BTG4: variants seen among roughly 807,000 people sequenced by gnomAD.
The protein encoded by BTG4 is protein BTG4.
BTG4 carries 10 observed loss-of-function variants against 19.3 expected under a neutral mutation model. The observed-to-expected ratio is 0.52, with a 90% confidence interval of 0.32 to 0.88. The LOEUF (loss-of-function observed/expected upper bound fraction) is 0.88, where lower values mean the gene tolerates loss of function less well. Ranked by LOEUF, BTG4 falls within the 40% of genes least tolerant of loss-of-function variation. The pLI is 0.04. For missense variants in BTG4, 238 were observed against 281.9 expected, an observed-to-expected ratio of 0.84 and a Z score of 1.11; for synonymous variants, 91 against 95.7, an observed-to-expected ratio of 0.95 and a Z score of 0.29.
intron 4 of BTG4, among the ~76,000 whole-genome samples, chr11:111,495,932 T>C (rs1338523927): frequency 2.0e-5 from 3 of 152,202 alleles, no homozygotes; most frequent in Non-Finnish European, 2.9e-5. Flanking sequence ...GGCTTTGTCA[T>C]ACATCATTTT....
upstream of BTG4, chr11:111,512,902 T>C: frequency 2.3e-6 from 1 of 433,684 alleles, no homozygotes; most frequent in Non-Finnish European, 4.7e-6. Flanking sequence ...GCGTCGGCGC[T>C]GCGGACCGTC....
intron 5 of BTG4, among the ~76,000 whole-genome samples, chr11:111,487,793 T>A (rs750907588): frequency 1.3e-5 from 2 of 152,080 alleles, no homozygotes; most frequent in Non-Finnish European, 2.9e-5. Flanking sequence ...CATACAAAAA[T>A]CAGTATCATT....
the BTG4 span, among the ~76,000 whole-genome samples, chr11:111,404,151 A>G: frequency 0.41 from 61,795 of 151,886 alleles, 12,929 homozygotes; most frequent in Admixed American, 0.51. Flanking sequence ...GAGTTTCCCT[A>G]CACAAGTTCT....
At chr11:111,497,182 G>T in intron 4 of BTG4, 29 bp downstream of exon 4, 1 of 1,581,770 alleles carries the variant, frequency 6.3e-7, no homozygotes, top group Non-Finnish European at 8.6e-7. Flanking sequence ...TAGAAAAAAA[G>T]TATAGAAAAG....
At chr11:111,404,229 C>A in the BTG4 span, among the ~76,000 whole-genome samples, 1 of 152,196 alleles carries the variant, frequency 6.6e-6, no homozygotes, top group Non-Finnish European at 1.5e-5. Flanking sequence ...GCCTCCCCAG[C>A]CACATGGAAC....
chr11:111,502,195 C>T lies in BTG4; in HGVS notation c.-26-3393G>A, dbSNP rs141767198. Among the ~76,000 whole-genome samples, 384 of 152,030 alleles carry T rather than the reference C, an allele frequency of 2.5e-3. 3 individuals are homozygous for T. The highest frequency in any genetic ancestry group is 8.9e-3 in the African/African-American group (371 of 41,460). On this transcript the variant is annotated intron_variant, in intron 1 of 4. Coordinates refer to ENST00000692032, the MANE Select transcript of BTG4 (RefSeq NM_001367975.1). ...CTATGTTGCCCAGGTTGGTCTTGAA[C>T]TCCTGGGCTCAAGGAACCTTCCTGC...
intron 5 of BTG4, chr11:111,467,750 A>G: frequency 1.4e-6 from 1 of 734,288 alleles, no homozygotes; most frequent in South Asian, 1.5e-5. Flanking sequence ...AAATCCTGAC[A>G]TATTTTATTC....
At chr11:111,420,604 T>G in the BTG4 span, among the ~76,000 whole-genome samples, 6 of 152,236 alleles carry the variant, frequency 3.9e-5, no homozygotes, top group Non-Finnish European at 7.3e-5. Context: ...TTTGCCCACC[T>G]GTGGTTCTCC....
intron 5 of BTG4, among the ~76,000 whole-genome samples, chr11:111,482,286 A>AACAC (rs371209208): frequency 6.6e-6 from 1 of 152,034 alleles, no homozygotes; most frequent in Non-Finnish European, 1.5e-5. Context: ...AGAGTTGTAT[A>AACAC]ACACACACAC....
the BTG4 span, among the ~76,000 whole-genome samples, chr11:111,413,789 C>A: frequency 1.3e-5 from 2 of 152,140 alleles, no homozygotes; most frequent in African/African-American, 4.8e-5. Context: ...AGGTTCTGAT[C>A]GAAGAGAAGG....
the BTG4 span, among the ~76,000 whole-genome samples, chr11:111,446,463 G>A: frequency 6.6e-6 from 1 of 152,100 alleles, no homozygotes; most frequent in African/African-American, 2.4e-5. Flanking sequence ...CAGAATCTTG[G>A]GCCCCACCCC....
At chr11:111,403,349 G>A in the BTG4 span, among the ~76,000 whole-genome samples, 122 of 152,298 alleles carry the variant, frequency 8.0e-4, 1 homozygote, top group African/African-American at 2.8e-3. Flanking sequence ...CGTTAGGTAG[G>A]ACTGAAATTA....
chr11:111,465,124 G>C (rs1307644598), downstream of BTG4, among the ~76,000 whole-genome samples: 2 of 152,224 alleles, frequency 1.3e-5, no homozygotes, highest in African/African-American at 2.4e-5. Context: ...GGAATTGGAA[G>C]TCAAGAGAGC....
At chr11:111,487,152 C>T (rs555706059) in intron 5 of BTG4, among the ~76,000 whole-genome samples, 1 of 152,258 alleles carries the variant, frequency 6.6e-6, no homozygotes, top group Admixed American at 6.5e-5. Flanking sequence ...AAAACATGAT[C>T]TTTCCTTTTT....
chr11:111,503,014 C>T (rs1866200375), intron 1 of BTG4, among the ~76,000 whole-genome samples: 1 of 152,176 alleles, frequency 6.6e-6, no homozygotes, highest in Admixed American at 6.5e-5. Flanking sequence ...TTAACACTCA[C>T]TTAGTGACTA....
the BTG4 span, among the ~76,000 whole-genome samples, chr11:111,383,962 C>T: frequency 6.6e-6 from 1 of 152,042 alleles, no homozygotes; most frequent in East Asian, 1.9e-4. Context: ...AGCTAATTCT[C>T]AATTATGTTA....
chr11:111,388,415 C>CT, the BTG4 span, among the ~76,000 whole-genome samples: 1 of 151,818 alleles, frequency 6.6e-6, no homozygotes, highest in Non-Finnish European at 1.5e-5. Flanking sequence ...CTAGTCCTTC[C>CT]TTTTTTCTCA....
chr11:111,431,026 G>T, the BTG4 span, among the ~76,000 whole-genome samples: 1 of 152,132 alleles, frequency 6.6e-6, no homozygotes, highest in Non-Finnish European at 1.5e-5. Context: ...GACTAATTTT[G>T]TTCTCTTCTA....
At chr11:111,513,569 G>C (rs948412640), upstream of BTG4, 11 of 479,016 alleles carry the variant, frequency 2.3e-5, no homozygotes, top group Middle Eastern at 3.8e-4. Context: ...GTGGGGAAGA[G>C]GGGTGTTGGA....
Sources: gnomAD v4.1 joint callset for allele counts (sites outside exome capture counted in the v4.1 genomes callset) on GRCh38, gnomAD v4.1.1 for gene constraint, MANE v1.5 for transcripts, NCBI Gene and HGNC (gene_info 2026-07-23, HGNC 2026-07-21) for gene names.